Variants in ATG7 observed in about 807,000 individuals in gnomAD.
ATG7 encodes autophagy related 7.
A neutral mutation model predicts 82.4 loss-of-function variants in ATG7; 70 were observed. That is an observed-to-expected ratio of 0.85 (90% CI 0.70 to 1.04). The LOEUF is 1.04. Ranked by LOEUF, ATG7 falls within the 50% of genes least tolerant of loss-of-function variation. The pLI, the probability that ATG7 is intolerant of heterozygous loss-of-function variation, is 0.00. For missense variants in ATG7, 792 were observed against 864.3 expected (o/e 0.92, Z 1.05); for synonymous variants, 287 against 313.0 (o/e 0.92, Z 0.88).
intron 20 of ATG7, among the ~76,000 whole-genome samples, chr3:11,478,717 A>C (rs1373746885): frequency 6.6e-6 from 1 of 151,924 alleles, no homozygotes. Flanking sequence ...AAAGAAAAAC[A>C]CCCCCACCCC....
intron 9 of ATG7, among the ~76,000 whole-genome samples, chr3:11,329,761 A>G (rs1035641916): frequency 7.9e-5 from 12 of 152,226 alleles, no homozygotes; most frequent in Non-Finnish European, 1.5e-4. Context: ...GTCACATTAT[A>G]TCACCACGGT....
chr3:11,288,721 C>T (rs546470655), intron 3 of ATG7: 13 of 152,236 alleles, frequency 8.5e-5, no homozygotes, highest in African/African-American at 2.9e-4. Context: ...GATTTAGATC[C>T]ATGTGGACAG....
chr3:11,391,960 G>GA (rs1009375782), intron 19 of ATG7, among the ~76,000 whole-genome samples: 3 of 139,338 alleles, frequency 2.2e-5, no homozygotes, highest in African/African-American at 2.7e-5. Context: ...GTACTTATTG[G>GA]GGGGGGGGTA....
At position 11,345,486 on chromosome 3, in the gene ATG7, T is replaced by G. The variant is rs1291610566; in HGVS notation, c.1126-2391T>G. 2.6e-5 allele frequency among the ~76,000 whole-genome samples: 4 copies of G among 152,376 alleles called. No homozygotes were observed. The East Asian group carries it at 5.8e-4, about 22-fold the overall frequency. ...CTTTGTAAACTTTTACAGATGTTTC[T>G]GTGTTGACTCACCTTTTTAGATTTT... is the stretch of plus-strand genomic sequence containing the variant. On this transcript the variant is annotated intron_variant, in intron 13 of 20. Transcript: ENST00000693202.
intron 20 of ATG7, among the ~76,000 whole-genome samples, chr3:11,480,304 G>A (rs771791323): frequency 6.6e-6 from 1 of 152,158 alleles, no homozygotes; most frequent in South Asian, 2.1e-4. Flanking sequence ...GGAGGCTGAG[G>A]TGGGAAGATC....
At chr3:11,415,341 G>T (rs1448490693) in intron 19 of ATG7, among the ~76,000 whole-genome samples, 1 of 152,122 alleles carries the variant, frequency 6.6e-6, no homozygotes, top group East Asian at 1.9e-4. Flanking sequence ...CACCACTGTA[G>T]CCTTGAAAAA....
rs546868635 is a variant in ATG7 at position 11,284,324 on chromosome 3, C to G, written c.-11+1886C>G. On this transcript the variant is annotated intron_variant, in intron 3 of 20. Transcript: ENST00000693202. Reference sequence around the variant, plus strand: ...GGAAGCACTCCTGCTTCAATTAATTCTATAAGCAGCCAAGCCAAAATAATT... The same window carrying G: ...GGAAGCACTCCTGCTTCAATTAATTGTATAAGCAGCCAAGCCAAAATAATT... Among the ~76,000 whole-genome samples the G allele has an allele frequency of 2.0e-5, 3 of 152,318 alleles. No homozygotes were observed. The South Asian group carries it at 6.2e-4, about 32-fold the overall frequency.
rs190453601 is a variant in ATG7, at chr3:11,359,638, G to A, written c.1480-943G>A. On this transcript the variant is annotated intron_variant, in intron 15 of 20. Coordinates refer to ENST00000693202, the MANE Select transcript of ATG7 (RefSeq NM_001349232.2). ...TTGAGCCTGGGAGGTTGAGGCTGCA[G>A]TGAACCGAGATCACGCCATTGCATT... Among the ~76,000 whole-genome samples the A allele has an allele frequency of 2.6e-5, 4 of 152,234 alleles. No homozygotes were observed. In the East Asian group the frequency reaches 7.7e-4, roughly 29 times the overall value.
At chr3:11,379,358 T>G (rs1265979749) in intron 18 of ATG7, among the ~76,000 whole-genome samples, 1 of 152,220 alleles carries the variant, frequency 6.6e-6, no homozygotes, top group African/African-American at 2.4e-5. Flanking sequence ...GAAACCTGAT[T>G]ATAGCTGATA....
intron 20 of ATG7, among the ~76,000 whole-genome samples, chr3:11,437,652 C>T (rs1392280872): frequency 6.6e-6 from 1 of 152,182 alleles, no homozygotes; most frequent in Admixed American, 6.5e-5. Flanking sequence ...TACCCACATA[C>T]TCCTACCTGG....
At chr3:11,558,633 C>T (rs769543042), downstream of ATG7, 31 of 1,609,894 alleles carry the variant, frequency 1.9e-5, no homozygotes, top group African/African-American at 5.3e-5. Flanking sequence ...CTGCGAGAGG[C>T]GGACTCAGGG....
intron 19 of ATG7, among the ~76,000 whole-genome samples, chr3:11,413,692 G>T (rs1362214029): frequency 1.3e-5 from 2 of 152,168 alleles, no homozygotes; most frequent in East Asian, 1.9e-4. Flanking sequence ...TTAGTCCATG[G>T]TTTTCTCATA....
chr3:11,439,836 T>C (rs2083711209), intron 20 of ATG7, among the ~76,000 whole-genome samples: 1 of 152,242 alleles, frequency 6.6e-6, no homozygotes, highest in Non-Finnish European at 1.5e-5. Context: ...TAGCAACTAA[T>C]GTTAATTGCG....
At position 11,372,306 on chromosome 3, in the gene ATG7, CA is replaced by C. The variant is rs956577811; in HGVS notation, c.1875+7574del. 1.3e-5 allele frequency among the ~76,000 whole-genome samples: 2 copies of C among 150,608 alleles called. 1 individual carries two copies. The highest frequency in any genetic ancestry group is 4.9e-5 in the African/African-American group (2 of 40,750). ...ATATTGTAGAGCTAGTTTAGGCGTA[CA>C]ATTTTTTTTTTCTAGACGTTTCTAT... On this transcript the variant is annotated intron_variant, in intron 18 of 20. Transcript: ENST00000693202.
intron 19 of ATG7, among the ~76,000 whole-genome samples, chr3:11,419,885 A>G (rs1169565725): frequency 6.6e-6 from 1 of 152,206 alleles, no homozygotes; most frequent in Non-Finnish European, 1.5e-5. Context: ...TGGATTATGA[A>G]AGGATCTTTC....
In ATG7 at chr3:11,556,085, T is replaced by C. The variant is rs1332232068; in HGVS notation, c.*1242T>C. On this transcript the variant is annotated 3_prime_UTR_variant, in exon 21 of 21. Transcript: ENST00000693202. ...TACACTATGTGGTTTAAGAGCACTT[T>C]ATTATTGTTCTTAAGGCTACTTTTA... 6.5e-6 allele frequency: 1 copy of C among 152,696 alleles called. No homozygotes were observed. The highest frequency in any genetic ancestry group is 6.5e-5 in the Admixed American group (1 of 15,280). 9.5% of individuals were successfully genotyped at this position (152,696 alleles called of 1,614,324 possible).
chr3:11,422,257 C>A (rs1049342702), intron 19 of ATG7, among the ~76,000 whole-genome samples: 1 of 152,200 alleles, frequency 6.6e-6, no homozygotes, highest in Non-Finnish European at 1.5e-5. Context: ...CACTAGAAGA[C>A]GGTTTCATCT....
At chr3:11,356,724 G>A (rs2075959376) in intron 14 of ATG7, among the ~76,000 whole-genome samples, 1 of 152,086 alleles carries the variant, frequency 6.6e-6, no homozygotes, top group Non-Finnish European at 1.5e-5. Flanking sequence ...GGTATTGCAG[G>A]TATTATTATT....
chr3:11,470,008 A>AAAAAG (rs1399975005), intron 20 of ATG7, among the ~76,000 whole-genome samples: 13 of 141,132 alleles, frequency 9.2e-5, no homozygotes, highest in East Asian at 6.3e-4. Flanking sequence ...AAAAAAAAAA[A>AAAAAG]AGAGAGAGAG....
Sources: gnomAD v4.1 joint callset for allele counts (sites outside exome capture counted in the v4.1 genomes callset) on GRCh38, gnomAD v4.1.1 for gene constraint, MANE v1.5 for transcripts, NCBI Gene and HGNC (gene_info 2026-07-23, HGNC 2026-07-21) for gene names.